CEP170: variants seen among roughly 807,000 people sequenced by gnomAD.
CEP170 encodes the protein centrosomal protein 170.
In CEP170, 21 loss-of-function variants were observed where a neutral mutation model predicts 151.9. The ratio of observed to expected loss-of-function variants is 0.14; its 90% CI spans 0.10 to 0.20. The LOEUF (loss-of-function observed/expected upper bound fraction) is 0.20, where lower values mean the gene tolerates loss of function less well. Ranked by LOEUF, CEP170 falls within the 10% of genes least tolerant of loss-of-function variation. CEP170 has a pLI of 1.00. For synonymous variants in CEP170, 356 were observed against 648.8 expected, an observed-to-expected ratio of 0.55 and a Z score of 6.86; for missense variants, 964 against 1,892.9, an observed-to-expected ratio of 0.51 and a Z score of 9.11.
chr1:243,166,649 GC>G, intron 12 of CEP170: 1 of 151,534 alleles, frequency 6.6e-6, no homozygotes, highest in East Asian at 1.9e-4. Context: ...ATTTCAAGCT[GC>G]ACAAATAAGC....
At chr1:243,183,586 G>A (rs532765483) in intron 10 of CEP170, among the ~76,000 whole-genome samples, 104 of 152,250 alleles carry the variant, frequency 6.8e-4, no homozygotes, top group African/African-American at 2.1e-3. Context: ...TAATTAGCCC[G>A]AATTTGGCTT....
intron 1 of CEP170, among the ~76,000 whole-genome samples, chr1:243,232,450 G>C (rs2063846235): frequency 2.0e-5 from 3 of 152,148 alleles, no homozygotes; most frequent in Admixed American, 1.3e-4. Context: ...CCCCAGGGCA[G>C]AGTTAGCCAT....
chr1:243,147,612 G>A (rs926544538), intron 14 of CEP170, among the ~76,000 whole-genome samples: 4 of 152,092 alleles, frequency 2.6e-5, no homozygotes, highest in African/African-American at 9.7e-5. Flanking sequence ...ATATAAACAA[G>A]CAATACTGAC....
At position 243,185,033 on chromosome 1, in the gene CEP170, G is replaced by A. The variant is rs1369719221; in HGVS notation, c.1566+746C>T. On this transcript the variant is annotated intron_variant, in intron 10 of 19. Coordinates refer to ENST00000366542, the MANE Select transcript of CEP170 (RefSeq NM_014812.3). This position sits in a 1 kb window ranked among gnomAD's most constrained non-coding sequence, Gnocchi z 4.9. ...ATGAGGTTGGTGCAAAAGTCACTGC[G>A]GTTTTTGCCATTACTTTCAACGGCA... Among the ~76,000 whole-genome samples the A allele has an allele frequency of 3.9e-5, 6 of 152,136 alleles. No homozygotes were observed. Among genetic ancestry groups the A allele is most frequent in the African/African-American group, 7.2e-5 (3 of 41,430 alleles).
chr1:243,173,137 C>G (rs577005352), intron 10 of CEP170, among the ~76,000 whole-genome samples: 2 of 151,620 alleles, frequency 1.3e-5, no homozygotes, highest in Admixed American at 1.3e-4. Flanking sequence ...CTCGGCTCAC[C>G]GCAACCTCCG....
At chr1:243,194,237 G>C (rs2060494649) in intron 7 of CEP170, among the ~76,000 whole-genome samples, 1 of 151,872 alleles carries the variant, frequency 6.6e-6, no homozygotes, top group South Asian at 2.1e-4. Context: ...TGATAGTCCA[G>C]TACCATTCAG....
At chr1:243,203,779 A>T (rs886468400) in intron 4 of CEP170, among the ~76,000 whole-genome samples, 10 of 152,154 alleles carry the variant, frequency 6.6e-5, no homozygotes, top group Non-Finnish European at 1.2e-4. Flanking sequence ...ATTTTCCCTC[A>T]TTTAACAACA....
chr1:243,227,779 A>G (rs2149036681), intron 1 of CEP170, among the ~76,000 whole-genome samples: 1 of 152,358 alleles, frequency 6.6e-6, no homozygotes, highest in East Asian at 1.9e-4. Context: ...TGATGTCATT[A>G]CGAAAAAGGT....
chr1:243,193,418 A>C (rs909636989), intron 7 of CEP170, among the ~76,000 whole-genome samples: 1 of 151,792 alleles, frequency 6.6e-6, no homozygotes, highest in Non-Finnish European at 1.5e-5. Flanking sequence ...TGACAGAACA[A>C]CGTCAAGATG....
At chr1:243,183,226 T>C (rs1004589596) in intron 10 of CEP170, among the ~76,000 whole-genome samples, 11 of 152,162 alleles carry the variant, frequency 7.2e-5, no homozygotes, top group African/African-American at 1.2e-4. Flanking sequence ...TTAAAGTTGC[T>C]AAATAAATGA....
Position 243,126,529 on chromosome 1 carries a change from C to G in CEP170, c.4675G>C (p.Glu1559Gln). The G allele has an allele frequency of 6.2e-7, 1 of 1,602,246 alleles. No individual in the cohort carries two copies. Among genetic ancestry groups the G allele is most frequent in the Non-Finnish European group, 8.5e-7 (1 of 1,173,622 alleles). ...VSAAAEFENA[E>Q]SEADFSIHFN... ...TGTATACTGAAATCAGCCTCAGATT[C>G]AGCATTCTCAAATTCAGCTGCGGCT... is the stretch of plus-strand genomic sequence containing the variant. The change falls in exon 20 of 20, where the codon GAA becomes CAA. Residue 1559 changes from glutamate to glutamine, a missense_variant. By Grantham distance (29) the Glu-to-Gln change is conservative. Transcript: ENST00000366542.
At chr1:243,220,367 G>C (rs1184047332) in intron 3 of CEP170, among the ~76,000 whole-genome samples, 1 of 151,786 alleles carries the variant, frequency 6.6e-6, no homozygotes, top group Non-Finnish European at 1.5e-5. Flanking sequence ...AGAGTTTTCA[G>C]GGCAAACATG....
intron 3 of CEP170, among the ~76,000 whole-genome samples, chr1:243,217,188 T>C (rs994577875): frequency 1.3e-5 from 2 of 152,230 alleles, no homozygotes; most frequent in Non-Finnish European, 2.9e-5. Context: ...CTGCCGTGTA[T>C]GTGGTCTGCC....
chr1:243,186,215 T>A, intron 9 of CEP170, 44 bp downstream of exon 9: 1 of 1,613,676 alleles, frequency 6.2e-7, no homozygotes, highest in Non-Finnish European at 8.5e-7. Flanking sequence ...TTTTCTGGGA[T>A]TGTCTTCATC....
Position 243,221,713 on chromosome 1 carries a change from C to T in CEP170, c.195+11G>A. The T allele has an allele frequency of 6.2e-7, 1 of 1,601,506 alleles. No individual in the cohort carries two copies. Among genetic ancestry groups the T allele is most frequent in the Middle Eastern group, 1.7e-4 (1 of 6,004 alleles). ...TGTTCAAACAAGACAAAAAATAAAC[C>T]ATTGACTTACCCCATTGAGGCTGCC... On this transcript the variant is annotated intron_variant, in intron 3 of 19. Transcript: ENST00000366542.
At chr1:243,129,253 T>G (rs1308460227) in intron 18 of CEP170, 107 bp downstream of exon 18, 7 of 768,302 alleles carry the variant, frequency 9.1e-6, no homozygotes, top group Non-Finnish European at 1.2e-5. Flanking sequence ...TTTGCATTTA[T>G]ATCTTCTTTT....
intron 13 of CEP170, among the ~76,000 whole-genome samples, chr1:243,160,866 C>A (rs3015157): frequency 0.59 from 90,174 of 151,678 alleles, 27,959 homozygotes; most frequent in African/African-American, 0.79. Flanking sequence ...CAAACAGTCT[C>A]AAAAAATTCT....
At chr1:243,252,189 G>A (rs2065997670) in intron 1 of CEP170, among the ~76,000 whole-genome samples, 1 of 152,068 alleles carries the variant, frequency 6.6e-6, no homozygotes, top group Non-Finnish European at 1.5e-5. Context: ...GCACGTAACT[G>A]CTCTTTTGTT....
At chr1:243,136,712 G>T (rs1558380820) in intron 16 of CEP170, among the ~76,000 whole-genome samples, 1 of 152,226 alleles carries the variant, frequency 6.6e-6, no homozygotes, top group African/African-American at 2.4e-5. Context: ...ACGCAAAATA[G>T]TAAGTTTTTA....
Sources: allele counts gnomAD v4.1 joint callset (sites outside exome capture counted in the v4.1 genomes callset), GRCh38; gene constraint gnomAD v4.1.1; non-coding constraint Gnocchi (gnomAD v3.1); transcripts MANE v1.5; gene names NCBI Gene and HGNC (gene_info 2026-07-23, HGNC 2026-07-21).